Variants in ITSN2 observed in about 807,000 individuals in gnomAD.
ITSN2 encodes intersectin-2.
In ITSN2, 156 loss-of-function variants were observed where a neutral mutation model predicts 243.7. That is an observed-to-expected ratio of 0.64 (90% CI 0.56 to 0.73). ITSN2 has a LOEUF of 0.73. Ranked by LOEUF, ITSN2 falls within the 30% of genes least tolerant of loss-of-function variation. The pLI is 0.00. For synonymous variants in ITSN2, 703 were observed against 699.9 expected, an observed-to-expected ratio of 1.00 and a Z score of -0.07; for missense variants, 1,801 against 1,996.1, an observed-to-expected ratio of 0.90 and a Z score of 1.86.
At chr2:24,244,354 G>A (rs568074533) in intron 29 of ITSN2, among the ~76,000 whole-genome samples, 3 of 152,218 alleles carry the variant, frequency 2.0e-5, no homozygotes, top group East Asian at 1.9e-4. Flanking sequence ...TAAAATAGGC[G>A]GGGGAAAGGT....
At chr2:24,205,599 TCGCTTATGAG>T (rs1349702783) in intron 37 of ITSN2, 27 of 351,508 alleles carry the variant, frequency 7.7e-5, no homozygotes, top group Non-Finnish European at 1.5e-4. Context: ...CCAGTATCCC[TCGCTTATGAG>T]CAGCCCACAG....
chr2:24,244,274 C>G (rs1673083210), intron 29 of ITSN2, among the ~76,000 whole-genome samples: 1 of 152,146 alleles, frequency 6.6e-6, no homozygotes, highest in Non-Finnish European at 1.5e-5. Flanking sequence ...GAGACTGTTA[C>G]TGCCTTGAAG....
chr2:24,260,282 C>A (rs546819238), intron 22 of ITSN2, among the ~76,000 whole-genome samples: 2 of 151,972 alleles, frequency 1.3e-5, no homozygotes. Context: ...AATAAAATGC[C>A]TGGAACCTAT....
chr2:24,271,947 C>T lies in ITSN2; in HGVS notation c.2082-6G>A. On this transcript the variant is annotated splice_region_variant and splice_polypyrimidine_tract_variant and intron_variant, in intron 18 of 39. Transcript: ENST00000355123. ...CTTTTCCTTGCTTTGCTTTCCTTTA[C>T]ATAAAAGAAAAAGAGTTTGTATAAT... The T allele has an allele frequency of 7.3e-7, 1 of 1,371,680 alleles. No homozygotes were observed. Among genetic ancestry groups the T allele is most frequent in the Non-Finnish European group, 9.7e-7 (1 of 1,032,272 alleles). 85.0% of individuals were successfully genotyped at this position (1,371,680 alleles called of 1,614,324 possible).
chr2:24,332,586 C>G (rs1428594169), intron 1 of ITSN2, among the ~76,000 whole-genome samples: 2 of 152,106 alleles, frequency 1.3e-5, no homozygotes, highest in South Asian at 2.1e-4. Context: ...TTGTATGTAA[C>G]ATCTGATTAA....
Position 24,204,409 on chromosome 2 carries a change from T to C in ITSN2, c.4772A>G (p.Asn1591Ser), listed in dbSNP as rs1267167278. 1 of 1,614,000 alleles carries C rather than the reference T, an allele frequency of 6.2e-7. No individual in the cohort carries two copies. Among genetic ancestry groups the C allele is most frequent in the East Asian group, 2.2e-5 (1 of 44,862 alleles). The change falls in exon 39 of 40, where the codon AAC (asparagine) becomes AGC (serine). Residue 1591 changes from asparagine (N) to serine (S), a missense_variant. Coordinates refer to ENST00000355123, the MANE Select transcript of ITSN2 (RefSeq NM_006277.3). This position sits in a 1 kb window ranked among gnomAD's most constrained non-coding sequence, Gnocchi z 5.1. ...LKACKPNGKSNPYCEISMGSQ... is the reference protein window; with the variant it reads ...LKACKPNGKSSPYCEISMGSQ... The stretch of plus-strand genomic sequence containing the variant: ...GCCCATGCTGATTTCACAGTATGGG[T>C]TGCTCTTTCCTGAACAAAAACAAAC...
At chr2:24,214,425 GGTAA>G (rs1669775938) in intron 32 of ITSN2, 2 of 151,596 alleles carry the variant, frequency 1.3e-5, no homozygotes, top group African/African-American at 4.8e-5. Flanking sequence ...TCCTTTTTGG[GGTAA>G]GTTTCTCAAT....
intron 1 of ITSN2, among the ~76,000 whole-genome samples, chr2:24,338,159 G>C (rs573821181): frequency 6.6e-6 from 1 of 152,144 alleles, no homozygotes; most frequent in Non-Finnish European, 1.5e-5. Flanking sequence ...TCAGAAGCCT[G>C]CCACCCAGAG....
chr2:24,229,432 C>T (rs1558454234), intron 29 of ITSN2, among the ~76,000 whole-genome samples: 1 of 151,970 alleles, frequency 6.6e-6, no homozygotes, highest in Non-Finnish European at 1.5e-5. Flanking sequence ...CTATTAAAAA[C>T]GCAAAAATTA....
chr2:24,307,270 A>C (rs1259440392), intron 8 of ITSN2, among the ~76,000 whole-genome samples: 2 of 152,196 alleles, frequency 1.3e-5, no homozygotes, highest in African/African-American at 2.4e-5. Flanking sequence ...AATAAGAAAG[A>C]AAGCACTGCT....
chr2:24,271,686 C>T, intron 19 of ITSN2, 80 bp downstream of exon 19: 3 of 1,404,182 alleles, frequency 2.1e-6, no homozygotes, highest in Non-Finnish European at 2.8e-6. Flanking sequence ...TTCTAATTTT[C>T]TTCCCTTTTT....
Position 24,308,672 on chromosome 2 carries a change from T to G in ITSN2, c.738A>C (p.Leu246Phe). Residue 246 changes from leucine to phenylalanine, a missense_variant, in exon 8 of 40, where the codon TTA becomes TTC. By Grantham distance (22) the Leu-to-Phe change is conservative. Around this residue, in one of 5 missense-constraint regions of ITSN2, gnomAD observed 787 missense variants for 803.9 expected, o/e 0.98. Coordinates refer to ENST00000355123, the MANE Select transcript of ITSN2 (RefSeq NM_006277.3). ...SEWAVPQPTR[L>F]KYRQKFNTLD... is the part of the protein sequence containing the mutation. ...GAGTATTAAATTTTTGCCGATATTT[T>G]AATCTTGTAGGCTGAGGAACTGCCC... 6.5e-7 allele frequency: 1 copy of G among 1,536,364 alleles called. No individual in the cohort carries two copies. Among genetic ancestry groups the G allele is most frequent in the Non-Finnish European group, 8.8e-7 (1 of 1,135,610 alleles).
chr2:24,347,031 A>AT (rs965215103), intron 1 of ITSN2, among the ~76,000 whole-genome samples: 1 of 151,492 alleles, frequency 6.6e-6, no homozygotes, highest in East Asian at 1.9e-4. Flanking sequence ...CGCCCAGCTA[A>AT]TTTTTTTTGT....
chr2:24,273,053 C>T (rs990888756), intron 18 of ITSN2, among the ~76,000 whole-genome samples: 10 of 152,202 alleles, frequency 6.6e-5, no homozygotes, highest in Non-Finnish European at 1.3e-4. Context: ...TGAGATTTGT[C>T]AGCATATATA....
chr2:24,314,582 T>C (rs1463442202), intron 3 of ITSN2, among the ~76,000 whole-genome samples: 1 of 152,188 alleles, frequency 6.6e-6, no homozygotes, highest in African/African-American at 2.4e-5. Context: ...ATTCAATAAA[T>C]ATCATTGTTC....
chr2:24,334,949 G>A, intron 1 of ITSN2: 1 of 379,584 alleles, frequency 2.6e-6, no homozygotes, highest in Non-Finnish European at 5.0e-6. Context: ...TGTAGTCCCA[G>A]CTACTCGGGA....
Position 24,279,726 on chromosome 2 carries a change from CTT to C in ITSN2, c.1945-3879_1945-3878del, listed in dbSNP as rs955431908. Among the ~76,000 whole-genome samples, 5 of 78,300 alleles carry C rather than the reference CTT, an allele frequency of 6.4e-5. No individual in the cohort carries two copies. In the Admixed American group the frequency reaches 7.6e-4, roughly 12 times the overall value. 51.4% of individuals were successfully genotyped at this position (78,300 alleles called of 152,430 possible). On this transcript the variant is annotated intron_variant, in intron 17 of 39. Transcript: ENST00000355123. ...TCACTGCTAAAGATGTGTGAATTTTCTTTTTTTTTTTTTTTTTTTTTTTTGAG... is the reference window on the plus strand; with the variant it reads ...TCACTGCTAAAGATGTGTGAATTTTCTTTTTTTTTTTTTTTTTTTTTTGAG...
intron 1 of ITSN2, among the ~76,000 whole-genome samples, chr2:24,354,696 G>A (rs1688294524): frequency 6.6e-6 from 1 of 152,136 alleles, no homozygotes; most frequent in Non-Finnish European, 1.5e-5. Flanking sequence ...TTCAGAGGCT[G>A]TACTCTTATC....
chr2:24,238,109 C>A (rs1672359111), intron 29 of ITSN2, among the ~76,000 whole-genome samples: 1 of 152,216 alleles, frequency 6.6e-6, no homozygotes, highest in East Asian at 1.9e-4. Context: ...TTGCTTCCTC[C>A]AGCAAGTCTC....
Sources: allele counts gnomAD v4.1 joint callset (sites outside exome capture counted in the v4.1 genomes callset), GRCh38; gene constraint gnomAD v4.1.1; regional missense constraint gnomAD v4.1.1; non-coding constraint Gnocchi (gnomAD v3.1); transcripts MANE v1.5; gene names NCBI Gene and HGNC (gene_info 2026-07-23, HGNC 2026-07-21).